The following FILIP1L variants were observed in gnomAD, a reference collection of about 807,000 sequenced individuals.
FILIP1L encodes filamin A-interacting protein 1-like.
Under a neutral mutation model 96.6 loss-of-function variants are expected in FILIP1L, and 55 were observed. The ratio of observed to expected loss-of-function variants is 0.57; its 90% CI spans 0.46 to 0.71. The LOEUF is 0.71. FILIP1L is among the 30% of genes least tolerant of loss of function. FILIP1L has a pLI of 0.00. For missense variants in FILIP1L, 1,304 were observed against 1,321.2 expected (o/e 0.99, Z 0.20); for synonymous variants, 467 against 473.9 (o/e 0.99, Z 0.19).
At chr3:99,944,878 C>T (rs971057223) in intron 1 of FILIP1L, among the ~76,000 whole-genome samples, 2 of 152,088 alleles carry the variant, frequency 1.3e-5, no homozygotes, top group African/African-American at 2.4e-5. Context: ...CATAGATCAC[C>T]AGGGAGAAAG....
intron 4 of FILIP1L, among the ~76,000 whole-genome samples, chr3:99,890,905 T>C (rs1231698517): frequency 6.6e-6 from 1 of 152,182 alleles, no homozygotes; most frequent in African/African-American, 2.4e-5. Context: ...GAATTTTATA[T>C]GTAGGAATTC....
intron 4 of FILIP1L, among the ~76,000 whole-genome samples, chr3:99,897,380 A>C (rs935427724): frequency 4.6e-5 from 7 of 152,128 alleles, no homozygotes; most frequent in African/African-American, 1.7e-4. Context: ...AAAAAAAAAA[A>C]AAGTTGGCTT....
chr3:100,112,390 G>A (rs1394827482), intron 1 of FILIP1L, among the ~76,000 whole-genome samples: 1 of 152,150 alleles, frequency 6.6e-6, no homozygotes, highest in Non-Finnish European at 1.5e-5. Flanking sequence ...TGCAATGGCA[G>A]TCTCCTACAA....
At chr3:100,100,382 T>C (rs751316161) in intron 1 of FILIP1L, among the ~76,000 whole-genome samples, 7 of 152,208 alleles carry the variant, frequency 4.6e-5, no homozygotes, top group Non-Finnish European at 1.0e-4. Flanking sequence ...GGCTGTCTTA[T>C]ACATTATAAT....
intron 1 of FILIP1L, chr3:100,010,190 T>A (rs541730886): frequency 1.1e-6 from 1 of 912,558 alleles, no homozygotes; most frequent in African/African-American, 1.8e-5. Flanking sequence ...GGTAAAGTAT[T>A]GCTATTTTTA....
At chr3:100,050,484 G>GT (rs1383321702) in intron 1 of FILIP1L, among the ~76,000 whole-genome samples, 4 of 151,948 alleles carry the variant, frequency 2.6e-5, no homozygotes, top group Non-Finnish European at 5.9e-5. Flanking sequence ...GTCATTTTCT[G>GT]TTTTTTTAGA....
At chr3:100,096,784 C>T (rs1417484048) in intron 1 of FILIP1L, among the ~76,000 whole-genome samples, 1 of 151,910 alleles carries the variant, frequency 6.6e-6, no homozygotes, top group Non-Finnish European at 1.5e-5. Context: ...TTGTTTGTAA[C>T]ACAAAGGATA....
intron 1 of FILIP1L, among the ~76,000 whole-genome samples, chr3:99,952,942 A>G (rs1265542954): frequency 1.3e-5 from 2 of 152,208 alleles, no homozygotes. Flanking sequence ...AGTTTTGGAA[A>G]TAACCCAGAA....
chr3:100,054,619 C>T (rs1237521127), intron 1 of FILIP1L, among the ~76,000 whole-genome samples: 2 of 152,004 alleles, frequency 1.3e-5, no homozygotes, highest in Non-Finnish European at 2.9e-5. Context: ...GGGAATACAA[C>T]GTGAATAATC....
At chr3:100,028,885 G>A (rs2064974035) in intron 1 of FILIP1L, among the ~76,000 whole-genome samples, 1 of 151,952 alleles carries the variant, frequency 6.6e-6, no homozygotes, top group African/African-American at 2.4e-5. Context: ...TTTTTACTGA[G>A]GTGTGTAACA....
chr3:100,010,323 G>T (rs915501801), intron 1 of FILIP1L: 1 of 163,602 alleles, frequency 6.1e-6, no homozygotes, highest in African/African-American at 2.4e-5. Context: ...GAGCGGGGAG[G>T]TTTGGAAACA....
intron 1 of FILIP1L, among the ~76,000 whole-genome samples, chr3:100,060,882 C>A (rs1470194397): frequency 2.6e-5 from 4 of 151,990 alleles, no homozygotes; most frequent in African/African-American, 7.2e-5. Flanking sequence ...AAATAAAAAA[C>A]AAATAGGGCA....
At chr3:100,030,781 C>T (rs923786853) in intron 1 of FILIP1L, among the ~76,000 whole-genome samples, 1 of 152,076 alleles carries the variant, frequency 6.6e-6, no homozygotes, top group African/African-American at 2.4e-5. Context: ...ATCCGTTTTC[C>T]CTCCCTGTAG....
At chr3:100,017,522 A>G (rs1294359114) in intron 1 of FILIP1L, among the ~76,000 whole-genome samples, 1 of 152,214 alleles carries the variant, frequency 6.6e-6, no homozygotes. Flanking sequence ...CATAGTAACC[A>G]AAGAGTGAAA....
At chr3:99,931,070 T>A (rs1457434490) in intron 1 of FILIP1L, 40 bp from the exon 2 acceptor site, 3 of 1,570,968 alleles carry the variant, frequency 1.9e-6, no homozygotes, top group Non-Finnish European at 2.6e-6. Context: ...TTAATGGAAA[T>A]GGAGTTTTAA....
At chr3:99,898,259 A>G (rs962201239) in intron 4 of FILIP1L, 5 of 152,198 alleles carry the variant, frequency 3.3e-5, no homozygotes, top group East Asian at 3.8e-4. Flanking sequence ...TTAGAGCTGT[A>G]TTGTAGGTGT....
chr3:99,933,803 T>G (rs1043509426), intron 1 of FILIP1L, among the ~76,000 whole-genome samples: 9 of 152,230 alleles, frequency 5.9e-5, no homozygotes, highest in Admixed American at 3.9e-4. Context: ...GACCTGGTGC[T>G]CCATACATAA....
At chr3:100,095,379 A>G (rs747135295) in intron 1 of FILIP1L, among the ~76,000 whole-genome samples, 1 of 152,198 alleles carries the variant, frequency 6.6e-6, no homozygotes, top group Non-Finnish European at 1.5e-5. Context: ...TGGGTTCTGT[A>G]TCCGTGAATT....
intron 1 of FILIP1L, among the ~76,000 whole-genome samples, chr3:100,008,320 G>A (rs1397650828): frequency 2.0e-5 from 3 of 152,098 alleles, no homozygotes; most frequent in Admixed American, 1.3e-4. Context: ...AATACCATAA[G>A]GACTTGCTTG....
Sources: allele counts gnomAD v4.1 joint callset (sites outside exome capture counted in the v4.1 genomes callset), GRCh38; gene constraint gnomAD v4.1.1; transcripts MANE v1.5; gene names NCBI Gene and HGNC (gene_info 2026-07-23, HGNC 2026-07-21).